SLC25A37: variants seen among roughly 807,000 people sequenced by gnomAD.
SLC25A37 encodes the protein mitoferrin-1.
A neutral mutation model predicts 31.0 loss-of-function variants in SLC25A37; 17 were observed. The observed-to-expected ratio is 0.55, with a 90% CI of 0.38 to 0.82. The LOEUF (loss-of-function observed/expected upper bound fraction) is 0.82, where lower values mean the gene tolerates loss of function less well. Ranked by LOEUF, SLC25A37 falls within the 40% of genes least tolerant of loss-of-function variation. The pLI is 0.00. For missense variants in SLC25A37, 404 were observed against 465.8 expected, an observed-to-expected ratio of 0.87 and a Z score of 1.22; for synonymous variants, 222 against 193.0, an observed-to-expected ratio of 1.15 and a Z score of -1.24.
intron 2 of SLC25A37, 162 bp downstream of exon 2, chr8:23,566,498 G>T: frequency 7.1e-7 from 1 of 1,411,920 alleles, no homozygotes; most frequent in Non-Finnish European, 9.2e-7. Context: ...ACACACGCAC[G>T]CACACACACG....
At position 23,566,167 on chromosome 8, in the gene SLC25A37, C is replaced by T; in HGVS notation, c.270C>T (p.Ala90=). 1 of 1,604,508 alleles carries T rather than the reference C, an allele frequency of 6.2e-7. No individual in the cohort carries two copies. Among genetic ancestry groups the T allele is most frequent in the Non-Finnish European group, 8.5e-7 (1 of 1,176,880 alleles). The change falls in exon 2 of 4, where the codon GCC becomes GCT. Residue 90 remains alanine, a synonymous_variant. Coordinates refer to ENST00000519973, the MANE Select transcript of SLC25A37 (RefSeq NM_016612.4). ...PKAQYTSIYG[A]LKKIMRTEGF... is the part of the protein sequence containing the mutation. The stretch of plus-strand genomic sequence containing the variant: ...CCCAGTACACAAGTATCTACGGAGC[C>T]CTCAAGAAAATCATGCGGACCGAAG...
chr8:23,567,946 G>A, intron 2 of SLC25A37: 1 of 290,720 alleles, frequency 3.4e-6, no homozygotes, highest in South Asian at 3.4e-5. Context: ...TAAGGGCAAA[G>A]TGAGTTAATG....
chr8:23,563,772 G>A (rs1183000724), intron 1 of SLC25A37, among the ~76,000 whole-genome samples: 2 of 152,172 alleles, frequency 1.3e-5, no homozygotes, highest in East Asian at 1.9e-4. Flanking sequence ...TCGAGGTCAC[G>A]AGTTTGAGAC....
chr8:23,532,140 G>T (rs1158519579), intron 1 of SLC25A37, among the ~76,000 whole-genome samples: 2 of 152,164 alleles, frequency 1.3e-5, no homozygotes, highest in Non-Finnish European at 2.9e-5. Context: ...ATTATGAAAT[G>T]GGTATTTGGA....
intron 3 of SLC25A37, among the ~76,000 whole-genome samples, chr8:23,570,692 TTGTA>T: frequency 6.6e-6 from 1 of 152,288 alleles, no homozygotes; most frequent in Non-Finnish European, 1.5e-5. Flanking sequence ...GTAAAGCACA[TTGTA>T]TGTATTTATT....
At chr8:23,559,864 T>C (rs1802468757) in intron 1 of SLC25A37, among the ~76,000 whole-genome samples, 1 of 152,242 alleles carries the variant, frequency 6.6e-6, no homozygotes, top group African/African-American at 2.4e-5. Flanking sequence ...AATATTCCAC[T>C]GTATGGATAT....
In SLC25A37 at chr8:23,529,266, C is replaced by T. The variant is rs1386395183; in HGVS notation, c.210+54C>T. 11 of 1,526,738 alleles carry T rather than the reference C, an allele frequency of 7.2e-6. No homozygotes were observed. Among genetic ancestry groups the T allele is most frequent in the African/African-American group, 1.4e-5 (1 of 70,862 alleles). 94.6% of individuals were successfully genotyped at this position (1,526,738 alleles called of 1,614,324 possible). On this transcript the variant is annotated intron_variant, in intron 1 of 3. Coordinates refer to ENST00000519973, the MANE Select transcript of SLC25A37 (RefSeq NM_016612.4). The surrounding 1 kb of genome is among the most constrained non-coding windows in gnomAD (Gnocchi z 4.1). ...AACGAGCGGAGAAGGAGCGCGCGCGCGCATTTGCATCCCGCGCGCCGGCAG... is the reference window on the plus strand; with the variant it reads ...AACGAGCGGAGAAGGAGCGCGCGCGTGCATTTGCATCCCGCGCGCCGGCAG...
intron 3 of SLC25A37, among the ~76,000 whole-genome samples, chr8:23,569,619 C>T (rs75994103): frequency 0.076 from 11,633 of 152,332 alleles, 606 homozygotes; most frequent in Non-Finnish European, 0.11. Context: ...CACTGTTCTT[C>T]AGAAATTCAC....
chr8:23,530,653 A>G (rs1006353055), intron 1 of SLC25A37, among the ~76,000 whole-genome samples: 2 of 152,168 alleles, frequency 1.3e-5, no homozygotes, highest in Non-Finnish European at 2.9e-5. Context: ...GAATCCCTCA[A>G]ATGTAATAAA....
At chr8:23,571,302 T>C (rs1349387371) in intron 3 of SLC25A37, 33 bp from the exon 4 acceptor site, 2 of 1,501,728 alleles carry the variant, frequency 1.3e-6, no homozygotes, top group Non-Finnish European at 1.8e-6. Flanking sequence ...CCACTGGCTG[T>C]CCGTCTGGCC....
chr8:23,536,550 G>C (rs1433431159), intron 1 of SLC25A37, among the ~76,000 whole-genome samples: 1 of 152,092 alleles, frequency 6.6e-6, no homozygotes, highest in Non-Finnish European at 1.5e-5. Context: ...ATTTTCCCCA[G>C]CACACATGCC....
chr8:23,532,075 T>C (rs559480418), intron 1 of SLC25A37: 2 of 152,312 alleles, frequency 1.3e-5, no homozygotes, highest in African/African-American at 4.8e-5. Flanking sequence ...CAAACAAATA[T>C]GAAAACCACT....
chr8:23,561,871 C>G (rs937421130), intron 1 of SLC25A37, among the ~76,000 whole-genome samples: 8 of 152,356 alleles, frequency 5.3e-5, no homozygotes, highest in African/African-American at 1.9e-4. Context: ...TCTTCAGCCC[C>G]TGCTCTGATC....
chr8:23,549,184 G>A (rs1402807262), intron 1 of SLC25A37, among the ~76,000 whole-genome samples: 2 of 152,192 alleles, frequency 1.3e-5, no homozygotes, highest in Non-Finnish European at 2.9e-5. Flanking sequence ...CTAACACTGC[G>A]CTGACATTTA....
intron 1 of SLC25A37, among the ~76,000 whole-genome samples, chr8:23,547,513 C>T (rs1802100141): frequency 6.6e-6 from 1 of 152,198 alleles, no homozygotes; most frequent in South Asian, 2.1e-4. Context: ...ATGATTCTCT[C>T]GGGAACTCAC....
chr8:23,563,600 G>A (rs1219818745), intron 1 of SLC25A37, among the ~76,000 whole-genome samples: 1 of 152,246 alleles, frequency 6.6e-6, no homozygotes, highest in Admixed American at 6.5e-5. Flanking sequence ...CTGGGGCCCA[G>A]GTGTCTTGGC....
intron 2 of SLC25A37, chr8:23,566,912 C>T: frequency 1.3e-6 from 1 of 780,412 alleles, no homozygotes; most frequent in Non-Finnish European, 1.6e-6. Context: ...CCATTCTCTT[C>T]TGTTTGTCTG....
chr8:23,537,373 C>T (rs1203675320), intron 1 of SLC25A37, among the ~76,000 whole-genome samples: 2 of 152,152 alleles, frequency 1.3e-5, no homozygotes, highest in Non-Finnish European at 2.9e-5. Flanking sequence ...TATGGTCTCT[C>T]TTCCCTCATC....
intron 1 of SLC25A37, among the ~76,000 whole-genome samples, chr8:23,542,117 G>A (rs1190699740): frequency 6.6e-6 from 1 of 152,144 alleles, no homozygotes; most frequent in Non-Finnish European, 1.5e-5. Context: ...GTCAACTATG[G>A]ACTCCATATG....
Sources: gnomAD v4.1 joint callset for allele counts (sites outside exome capture counted in the v4.1 genomes callset) on GRCh38, gnomAD v4.1.1 for gene constraint, Gnocchi (gnomAD v3.1) non-coding constraint, MANE v1.5 for transcripts, NCBI Gene and HGNC (gene_info 2026-07-23, HGNC 2026-07-21) for gene names.